Variants in ANKLE2 observed in about 807,000 individuals in gnomAD.
The protein encoded by ANKLE2 is ankyrin repeat and LEM domain containing 2.
ANKLE2 carries 55 observed loss-of-function variants against 84.2 expected under a neutral mutation model. That is an observed-to-expected ratio of 0.65 (90% CI 0.53 to 0.82). ANKLE2 has a LOEUF of 0.82. Ranked by LOEUF, ANKLE2 falls within the 40% of genes least tolerant of loss-of-function variation. The pLI is 0.00. For synonymous variants in ANKLE2, 551 were observed against 486.1 expected (o/e 1.13, Z -1.76); for missense variants, 1,238 against 1,201.9 (o/e 1.03, Z -0.44).
chr12:132,744,813 T>C (rs113741234), intron 5 of ANKLE2, among the ~76,000 whole-genome samples: 6,009 of 152,218 alleles, frequency 0.039, 394 homozygotes, highest in African/African-American at 0.14. Context: ...CCCCAGCAGC[T>C]GGGACTACAG....
At position 132,761,806 on chromosome 12, in the gene ANKLE2, G is replaced by T. The variant is rs2044633743; in HGVS notation, c.-8C>A. The T allele has an allele frequency of 3.8e-6, 4 of 1,056,392 alleles. No homozygotes were observed. Among genetic ancestry groups the T allele is most frequent in the African/African-American group, 1.7e-5 (1 of 58,394 alleles). 65.4% of individuals were successfully genotyped at this position (1,056,392 alleles called of 1,614,324 possible). A position where few individuals can be genotyped will look rare whatever the true frequency, so the allele number is the denominator to read the frequency against. On this transcript the variant is annotated 5_prime_UTR_variant, in exon 1 of 13. Transcript: ENST00000357997. ...CAGCCGCGGCCACAGCATCGCCGCC[G>T]CCCGGGCCGCAGCCGCCGAGAAGCC...
chr12:132,738,571 C>T (rs1284495861), intron 7 of ANKLE2: 1 of 151,300 alleles, frequency 6.6e-6, no homozygotes, highest in Admixed American at 6.6e-5. Flanking sequence ...GTCACCCAGG[C>T]TGGAGTGCGG....
intron 9 of ANKLE2, 158 bp from the exon 10 acceptor site, chr12:132,734,733 G>A: frequency 1.4e-6 from 1 of 722,566 alleles, no homozygotes; most frequent in Non-Finnish European, 2.2e-6. Context: ...ATCATACGGT[G>A]CATTTTCTGA....
intron 3 of ANKLE2, among the ~76,000 whole-genome samples, chr12:132,749,687 T>G (rs891768458): frequency 1.3e-4 from 20 of 152,092 alleles, no homozygotes; most frequent in African/African-American, 4.8e-4. Context: ...TGAGGCCAGA[T>G]GAAAGGTAAA....
Position 132,740,793 on chromosome 12 carries a change from G to A in ANKLE2, c.1420+626C>T, listed in dbSNP as rs547913753. On this transcript the variant is annotated intron_variant, in intron 7 of 12. Transcript: ENST00000357997. ...GCCAACAACTAGAAGCTGCTGACTA[G>A]AAGAGGGCGGCCCAGAAAGCAAAGG... 4.0e-5 allele frequency among the ~76,000 whole-genome samples: 5 copies of A among 124,998 alleles called. No homozygotes were observed. The South Asian group carries it at 1.4e-3, about 34-fold the overall frequency. The allele number at this position is 124,998 out of a possible 152,430, so 82.0% of individuals were successfully genotyped here. A position where few individuals can be genotyped will look rare whatever the true frequency, so the allele number is the denominator to read the frequency against.
intron 10 of ANKLE2, among the ~76,000 whole-genome samples, chr12:132,732,899 C>T (rs1244887535): frequency 7.1e-4 from 99 of 139,788 alleles, no homozygotes; most frequent in African/African-American, 2.5e-3. Context: ...TGAAATGCAC[C>T]GTGTGAAGCG....
At chr12:132,733,726 T>C (rs2043946039) in intron 10 of ANKLE2, among the ~76,000 whole-genome samples, 1 of 152,048 alleles carries the variant, frequency 6.6e-6, no homozygotes, top group African/African-American at 2.4e-5. Flanking sequence ...TGGTGTCTGA[T>C]ACGCACCGTG....
At position 132,750,708 on chromosome 12, in the gene ANKLE2, CT is replaced by C; in HGVS notation, c.781del (p.Ser261AlafsTer10). On this transcript the variant is annotated frameshift_variant, in exon 3 of 13. Coordinates refer to ENST00000357997, the MANE Select transcript of ANKLE2 (RefSeq NM_015114.3). LOFTEE classifies it high-confidence loss of function. ...RGICDYFPSP[S>X]KTSLPLSPVK... ...AGGAGACAGTGGTAAGGACGTTTTG[CT>C]TGGAGAAGGGAAATAATCACAAATT... is the stretch of plus-strand genomic sequence containing the variant. 1 of 1,614,218 alleles carries C rather than the reference CT, an allele frequency of 6.2e-7. No homozygotes were observed. The highest frequency in any genetic ancestry group is 8.5e-7 in the Non-Finnish European group (1 of 1,180,044).
At chr12:132,753,649 G>A (rs1260905818) in intron 2 of ANKLE2, among the ~76,000 whole-genome samples, 1 of 152,092 alleles carries the variant, frequency 6.6e-6, no homozygotes, top group African/African-American at 2.4e-5. Context: ...GCGGGCGCCT[G>A]TAGTTCCCAG....
intron 10 of ANKLE2, chr12:132,731,470 C>A (rs995437623): frequency 1.3e-5 from 2 of 152,140 alleles, no homozygotes; most frequent in African/African-American, 4.8e-5. Context: ...AAGTGTCTTG[C>A]GGGCTAATGG....
intron 1 of ANKLE2, chr12:132,760,402 A>G (rs1431987391): frequency 6.6e-6 from 1 of 152,182 alleles, no homozygotes; most frequent in Non-Finnish European, 1.5e-5. Flanking sequence ...TCAGTCATCT[A>G]TTCTGACAGC....
rs369339437 is a variant in ANKLE2 at position 132,747,897 on chromosome 12, C to T, written c.1165G>A (p.Glu389Lys). 1.4e-4 allele frequency: 233 copies of T among 1,610,152 alleles called. 1 individual carries two copies. The highest frequency in any genetic ancestry group is 1.4e-3 in the South Asian group (130 of 90,508). The change falls in exon 5 of 13, where the codon GAG becomes AAG. Residue 389 changes from glutamate (E) to lysine (K), a missense_variant. Physicochemically the swap from Glu to Lys is moderately conservative, Grantham distance 56. Around this residue, in one of 3 missense-constraint regions of ANKLE2, gnomAD observed 802 missense variants for 774.5 expected, o/e 1.04. Coordinates refer to ENST00000357997, the MANE Select transcript of ANKLE2 (RefSeq NM_015114.3). ...CGGATACGCTTCTGCAGCATGGCCT[C>T]GTCGTCATCAGGGTACATCAGCCTC... ...FMRLMYPDDD[E>K]AMLQKRIRYV...
Position 132,754,793 on chromosome 12 carries a change from C to T in ANKLE2, c.522G>A (p.Lys174=), listed in dbSNP as rs1311330897. 2 of 1,614,200 alleles carry T rather than the reference C, an allele frequency of 1.2e-6. No homozygotes were observed. Among genetic ancestry groups the T allele is most frequent in the Non-Finnish European group, 1.7e-6 (2 of 1,180,046 alleles). The change falls in exon 2 of 13, where the codon AAG becomes AAA. Residue 174 remains lysine (K), a synonymous_variant. Coordinates refer to ENST00000357997, the MANE Select transcript of ANKLE2 (RefSeq NM_015114.3). ...TGTCACTAGGGGGCACCGAGCAGGT[C>T]TTGGATGTCACAGCTTCCTCCTCTG... ...NPPEEEAVTS[K]TCSVPPSDTD...
chr12:132,754,609 G>T, intron 2 of ANKLE2, 66 bp downstream of exon 2: 1 of 1,458,926 alleles, frequency 6.9e-7, no homozygotes. Flanking sequence ...TCCATTTTCA[G>T]ACGTCATCCC....
chr12:132,746,988 C>T (rs556990957), intron 5 of ANKLE2, among the ~76,000 whole-genome samples: 3 of 152,334 alleles, frequency 2.0e-5, no homozygotes, highest in South Asian at 4.1e-4. Context: ...CTGTCTTTAG[C>T]ACCCTTTAGA....
chr12:132,741,983 C>A (rs2044133055), intron 6 of ANKLE2: 2 of 364,862 alleles, frequency 5.5e-6, no homozygotes, highest in South Asian at 2.0e-5. Context: ...CGAACTTTTG[C>A]TAGAAACTAT....
Position 132,747,707 on chromosome 12 carries a change from G to A in ANKLE2, c.1230+125C>T, listed in dbSNP as rs2044268227. The A allele has an allele frequency of 1.3e-5, 16 of 1,222,054 alleles. No individual in the cohort carries two copies. In the South Asian group the frequency reaches 2.7e-4, roughly 21 times the overall value. 75.7% of individuals were successfully genotyped at this position (1,222,054 alleles called of 1,614,324 possible). On this transcript the variant is annotated intron_variant, in intron 5 of 12. Coordinates refer to ENST00000357997, the MANE Select transcript of ANKLE2 (RefSeq NM_015114.3). ...TGGTAAGAAGGCAGGTTGCAGGGGTGTAATTGATGTATCTTTTCCCCAAAG... is the reference window on the plus strand; with the variant it reads ...TGGTAAGAAGGCAGGTTGCAGGGGTATAATTGATGTATCTTTTCCCCAAAG...
chr12:132,761,701 C>T lies in ANKLE2; in HGVS notation c.98G>A (p.Arg33Gln), dbSNP rs1214061340. ...VLLIAVRWLVRRLGPRPGGLG... is the reference protein window; with the variant it reads ...VLLIAVRWLVQRLGPRPGGLG... The stretch of plus-strand genomic sequence containing the variant: ...ACCTCCCGGCCGCGGGCCCAGCCGC[C>T]GCACCAGCCACCGCACAGCGATCAG... The change falls in exon 1 of 13, where the codon CGG (arginine) becomes CAG (glutamine). Residue 33 changes from arginine to glutamine, a missense_variant. Physicochemically the swap from Arg to Gln is conservative, Grantham distance 43. Around this residue, in one of 3 missense-constraint regions of ANKLE2, gnomAD observed 422 missense variants for 394.5 expected, o/e 1.07. Coordinates refer to ENST00000357997, the MANE Select transcript of ANKLE2 (RefSeq NM_015114.3). 1.5e-6 allele frequency: 2 copies of T among 1,349,976 alleles called. No homozygotes were observed. The highest frequency in any genetic ancestry group is 3.4e-5 in the South Asian group (2 of 58,658). The allele number at this position is 1,349,976 out of a possible 1,614,324, so 83.6% of individuals were successfully genotyped here.
Position 132,747,746 on chromosome 12 carries a change from G to A in ANKLE2, c.1230+86C>T, listed in dbSNP as rs1392794678. On this transcript the variant is annotated intron_variant, in intron 5 of 12. Transcript: ENST00000357997. ...TTTTCCCCAAAGTTATTATACTAATGAGTAACTTGTCGATAAAGCATTCTT... is the reference window on the plus strand; with the variant it reads ...TTTTCCCCAAAGTTATTATACTAATAAGTAACTTGTCGATAAAGCATTCTT... 2.7e-6 allele frequency: 4 copies of A among 1,499,856 alleles called. No individual in the cohort carries two copies. In the African/African-American group the frequency reaches 4.3e-5, roughly 16 times the overall value. 92.9% of individuals were successfully genotyped at this position (1,499,856 alleles called of 1,614,324 possible).
Sources: allele counts gnomAD v4.1 joint callset (sites outside exome capture counted in the v4.1 genomes callset), GRCh38; gene constraint gnomAD v4.1.1; regional missense constraint gnomAD v4.1.1; transcripts MANE v1.5; gene names NCBI Gene and HGNC (gene_info 2026-07-23, HGNC 2026-07-21).